The following GRHL2 variants were observed in gnomAD, a reference collection of about 807,000 sequenced individuals.
The protein encoded by GRHL2 is grainyhead-like protein 2 homolog.
In GRHL2, 21 loss-of-function variants were observed where a neutral mutation model predicts 83.8. The ratio of observed to expected loss-of-function variants is 0.25; its 90% CI spans 0.18 to 0.36. The LOEUF (loss-of-function observed/expected upper bound fraction) is 0.36, where lower values mean the gene tolerates loss of function less well. Among genes scored for constraint, GRHL2 ranks in the 10% least tolerant of loss-of-function variants. The probability of loss-of-function intolerance (pLI) is 1.00; values close to 1 mark genes in which losing one functional copy is unlikely to be tolerated. For synonymous variants in GRHL2, 280 were observed against 278.9 expected, an observed-to-expected ratio of 1.00 and a Z score of -0.04; for missense variants, 623 against 781.8, an observed-to-expected ratio of 0.80 and a Z score of 2.42.
intron 7 of GRHL2, among the ~76,000 whole-genome samples, chr8:101,598,602 T>TA: frequency 7.0e-6 from 1 of 141,940 alleles, no homozygotes; most frequent in Non-Finnish European, 1.5e-5. Flanking sequence ...TTTTTTTTTT[T>TA]TTTTTTTTAC....
chr8:101,593,237 C>T (rs941762655), intron 7 of GRHL2, among the ~76,000 whole-genome samples: 3 of 152,260 alleles, frequency 2.0e-5, no homozygotes, highest in African/African-American at 4.8e-5. Context: ...TGAGCCACCA[C>T]GCCTGGTTGG....
intron 6 of GRHL2, among the ~76,000 whole-genome samples, chr8:101,574,033 G>T (rs1458973648): frequency 1.3e-5 from 2 of 152,224 alleles, no homozygotes; most frequent in African/African-American, 4.8e-5. Flanking sequence ...AAGGGACATG[G>T]TTGGAACATG....
intron 11 of GRHL2, 153 bp from the exon 12 acceptor site, chr8:101,636,724 TACACACACACACACACACAC>T (rs3029438): frequency 3.1e-5 from 15 of 483,692 alleles, no homozygotes; most frequent in African/African-American, 1.4e-4. Flanking sequence ...TCCTTAGAAA[TACACACACACACACACACAC>T]ACACACACAC....
chr8:101,551,033 C>T (rs1015757063), intron 2 of GRHL2, among the ~76,000 whole-genome samples: 1 of 152,096 alleles, frequency 6.6e-6, no homozygotes, highest in Non-Finnish European at 1.5e-5. Flanking sequence ...GTGGTTTCCT[C>T]CTTCTGGCTA....
intron 4 of GRHL2, among the ~76,000 whole-genome samples, chr8:101,561,347 A>C (rs1811605473): frequency 1.3e-5 from 2 of 152,322 alleles, no homozygotes; most frequent in South Asian, 4.1e-4. Context: ...ACCAGGAATC[A>C]CAAGTTAGAA....
intron 1 of GRHL2, among the ~76,000 whole-genome samples, chr8:101,516,979 C>T (rs1004838505): frequency 4.1e-4 from 62 of 152,262 alleles, no homozygotes; most frequent in African/African-American, 1.4e-3. Flanking sequence ...GGATCAAGTT[C>T]ACTCCATATC....
At chr8:101,650,848 G>A (rs1813608098) in intron 14 of GRHL2, among the ~76,000 whole-genome samples, 1 of 147,214 alleles carries the variant, frequency 6.8e-6, no homozygotes, top group Admixed American at 6.8e-5. Flanking sequence ...TTGTTCACCA[G>A]AAATTTTTAA....
chr8:101,674,407 C>T (rs1814259466), downstream of GRHL2, among the ~76,000 whole-genome samples: 1 of 152,090 alleles, frequency 6.6e-6, no homozygotes, highest in Non-Finnish European at 1.5e-5. Context: ...ATACAAACTA[C>T]CATCAGAGAA....
At chr8:101,616,008 TTTTC>T (rs1027655299) in intron 8 of GRHL2, among the ~76,000 whole-genome samples, 9 of 151,780 alleles carry the variant, frequency 5.9e-5, no homozygotes, top group African/African-American at 1.2e-4. Flanking sequence ...ACATAGCATT[TTTTC>T]TTTCTTTCTT....
At chr8:101,607,901 G>A (rs888903764) in intron 8 of GRHL2, among the ~76,000 whole-genome samples, 1 of 152,206 alleles carries the variant, frequency 6.6e-6, no homozygotes, top group African/African-American at 2.4e-5. Context: ...TCTTTGGAAG[G>A]CATCTCACCA....
At chr8:101,591,960 T>TA (rs1812293257) in intron 7 of GRHL2, among the ~76,000 whole-genome samples, 1 of 152,144 alleles carries the variant, frequency 6.6e-6, no homozygotes, top group Admixed American at 6.5e-5. Context: ...ACTGTGCAGG[T>TA]AACTGCCTGT....
rs148579263 is a variant in GRHL2 at position 101,602,370 on chromosome 8, A to C, written c.1098+3219A>C. Among the ~76,000 whole-genome samples, 481 of 152,310 alleles carry C rather than the reference A, an allele frequency of 3.2e-3. 1 individual carries two copies. Among genetic ancestry groups the C allele is most frequent in the African/African-American group, 0.01 (428 of 41,570 alleles). ...ATCAGGAGCAGTTGCATTTGCATTC[A>C]AATTCCCGTTGGTAACGTCTGCACA... On this transcript the variant is annotated intron_variant, in intron 8 of 15. Transcript: ENST00000646743.
chr8:101,678,660 C>A, the GRHL2 span, among the ~76,000 whole-genome samples: 1 of 150,514 alleles, frequency 6.6e-6, no homozygotes, highest in African/African-American at 2.4e-5. Flanking sequence ...CAGCAGTAAC[C>A]TCTGCAGACT....
At chr8:101,515,011 C>T (rs1035462628) in intron 1 of GRHL2, among the ~76,000 whole-genome samples, 3 of 144,724 alleles carry the variant, frequency 2.1e-5, no homozygotes, top group Admixed American at 6.8e-5. Flanking sequence ...TCCCTTCCTT[C>T]CCCCCTTCAT....
At chr8:101,539,389 G>A (rs765502614) in intron 1 of GRHL2, among the ~76,000 whole-genome samples, 4 of 152,174 alleles carry the variant, frequency 2.6e-5, no homozygotes, top group Non-Finnish European at 5.9e-5. Context: ...AACGACTGAG[G>A]TTCCAAATCC....
At chr8:101,677,239 G>A in the GRHL2 span, among the ~76,000 whole-genome samples, 6 of 145,422 alleles carry the variant, frequency 4.1e-5, no homozygotes, top group African/African-American at 5.2e-5. Flanking sequence ...ATAAAGAAAA[G>A]GCACCAAGAT....
intron 1 of GRHL2, among the ~76,000 whole-genome samples, chr8:101,534,724 G>C (rs767424972): frequency 1.3e-5 from 2 of 152,104 alleles, no homozygotes; most frequent in Admixed American, 6.6e-5. Flanking sequence ...GATATATTTT[G>C]AAAATAGAAC....
chr8:101,526,617 G>A (rs767172529), intron 1 of GRHL2, among the ~76,000 whole-genome samples: 4 of 139,152 alleles, frequency 2.9e-5, no homozygotes, highest in Non-Finnish European at 6.0e-5. Flanking sequence ...ATAGACTCTC[G>A]CTTGGTTTAT....
intron 1 of GRHL2, among the ~76,000 whole-genome samples, chr8:101,534,509 T>C (rs776901539): frequency 6.6e-6 from 1 of 152,166 alleles, no homozygotes; most frequent in Non-Finnish European, 1.5e-5. Flanking sequence ...ATATCACTTC[T>C]GCTATGTCCT....
Sources: gnomAD v4.1 joint callset for allele counts (sites outside exome capture counted in the v4.1 genomes callset) on GRCh38, gnomAD v4.1.1 for gene constraint, MANE v1.5 for transcripts, NCBI Gene and HGNC (gene_info 2026-07-23, HGNC 2026-07-21) for gene names.